The following BEND7 variants were observed in gnomAD, a reference collection of about 807,000 sequenced individuals.
The protein encoded by BEND7 is BEN domain containing 7, also known as BEN domain-containing protein 7.
In BEND7, 28 loss-of-function variants were observed where a neutral mutation model predicts 50.9. That is an observed-to-expected ratio of 0.55 (90% CI 0.41 to 0.75). BEND7 has a LOEUF of 0.75. Ranked by LOEUF, BEND7 falls within the 30% of genes least tolerant of loss-of-function variation. BEND7 has a pLI of 0.00. For missense variants in BEND7, 477 were observed against 491.3 expected (o/e 0.97, Z 0.28); for synonymous variants, 170 against 183.9 (o/e 0.92, Z 0.61).
At chr10:13,464,371 G>T (rs183273870) in intron 6 of BEND7, among the ~76,000 whole-genome samples, 1 of 152,188 alleles carries the variant, frequency 6.6e-6, no homozygotes, top group South Asian at 2.1e-4. Flanking sequence ...TCTTTAAAAA[G>T]ATGAAAAAGG....
chr10:13,506,138 G>A (rs948011102), intron 2 of BEND7, among the ~76,000 whole-genome samples: 1 of 151,744 alleles, frequency 6.6e-6, no homozygotes, highest in East Asian at 1.9e-4. Flanking sequence ...TGGTTTTCCC[G>A]GCCCACTGAC....
intron 2 of BEND7, among the ~76,000 whole-genome samples, chr10:13,501,390 A>G (rs1186320703): frequency 4.0e-5 from 6 of 151,618 alleles, no homozygotes; most frequent in East Asian, 1.9e-4. Context: ...AAAAAAAAAA[A>G]AAAAAGAAAA....
chr10:13,528,184 C>G (rs922213776), intron 1 of BEND7, among the ~76,000 whole-genome samples: 10 of 152,260 alleles, frequency 6.6e-5, no homozygotes, highest in African/African-American at 2.4e-4. Flanking sequence ...CCCAGCCCTG[C>G]CCCGGAGGCG....
chr10:13,453,257 C>T (rs1333453255), intron 6 of BEND7, among the ~76,000 whole-genome samples: 1 of 152,114 alleles, frequency 6.6e-6, no homozygotes. Flanking sequence ...ACAAGGCAGG[C>T]GGGACAATGA....
intron 2 of BEND7, among the ~76,000 whole-genome samples, chr10:13,515,234 C>T (rs2078580864): frequency 6.6e-6 from 1 of 152,172 alleles, no homozygotes; most frequent in Admixed American, 6.5e-5. Flanking sequence ...ACACCTCAGC[C>T]AAACAAATGC....
chr10:13,464,621 G>A (rs534636008), intron 6 of BEND7, among the ~76,000 whole-genome samples: 5 of 152,242 alleles, frequency 3.3e-5, no homozygotes, highest in African/African-American at 1.2e-4. Flanking sequence ...AATAATAGCT[G>A]TTTTAAATCT....
At chr10:13,458,702 A>C (rs1839562556) in intron 6 of BEND7, among the ~76,000 whole-genome samples, 1 of 152,232 alleles carries the variant, frequency 6.6e-6, no homozygotes, top group Admixed American at 6.5e-5. Context: ...GCAAAGGGAC[A>C]AGGGACAATA....
chr10:13,488,574 G>A (rs371874831), intron 5 of BEND7, among the ~76,000 whole-genome samples: 1 of 152,000 alleles, frequency 6.6e-6, no homozygotes, highest in East Asian at 1.9e-4. Context: ...TGCAATCTTC[G>A]ACTCCCGGGT....
chr10:13,455,147 G>A (rs951540756), intron 6 of BEND7, among the ~76,000 whole-genome samples: 1 of 152,164 alleles, frequency 6.6e-6, no homozygotes, highest in Admixed American at 6.5e-5. Flanking sequence ...ACTCCAGCCT[G>A]GGTGACAGAG....
chr10:13,526,169 C>A lies in BEND7; in HGVS notation c.114G>T (p.Gly38=), dbSNP rs749360183. The change falls in exon 2 of 9, where the codon GGG becomes GGT. Residue 38 remains glycine, a synonymous_variant. Transcript: ENST00000466271. Reference sequence around the variant, plus strand: ...AAATGGGCTGTGTCTCTTTGGCCTCCCCATTAACATCGTTGCTGAATTCTG... The same window carrying A: ...AAATGGGCTGTGTCTCTTTGGCCTCACCATTAACATCGTTGCTGAATTCTG... ...KIPEFSNDVN[G]EAKETQPIFL... 7.8e-7 allele frequency: 1 copy of A among 1,289,350 alleles called. No individual in the cohort carries two copies. The highest frequency in any genetic ancestry group is 1.5e-5 in the African/African-American group (1 of 65,834). 79.9% of individuals were successfully genotyped at this position (1,289,350 alleles called of 1,614,324 possible).
chr10:13,468,359 C>A (rs2074462920), intron 6 of BEND7, among the ~76,000 whole-genome samples: 1 of 152,074 alleles, frequency 6.6e-6, no homozygotes, highest in Non-Finnish European at 1.5e-5. Flanking sequence ...GCACCACGGC[C>A]CTGTGGAGAA....
Position 13,447,279 on chromosome 10 carries a change from A to G in BEND7, c.1221T>C (p.Ala407=), listed in dbSNP as rs146499991. 6.4e-5 allele frequency: 104 copies of G among 1,614,160 alleles called. No individual in the cohort carries two copies. The East Asian group carries it at 2.2e-3, about 34-fold the overall frequency. The part of the protein sequence containing the change: ...ADSDERLDGI[A]LPPTVV ...CGTTTTATTTACCTGTTGGTGGTAG[A>G]GCAATGCCGTCCAGTCTTTCATCAC... The change falls in exon 8 of 9, where the codon GCT becomes GCC. Residue 407 remains alanine, a synonymous_variant. Transcript: ENST00000466271.
At chr10:13,505,245 C>T (rs558810604) in intron 2 of BEND7, among the ~76,000 whole-genome samples, 92 of 152,332 alleles carry the variant, frequency 6.0e-4, no homozygotes, top group African/African-American at 2.1e-3. Flanking sequence ...ACAACTGCTG[C>T]CTGGTGACCA....
At position 13,528,590 on chromosome 10, in the gene BEND7, A is replaced by G. The variant is rs187129301; in HGVS notation, c.-57T>C. ...AGGCGGCGGCAGCGGCGGCAGCGGCAGCGGCGGCAGCGGCAGCGGCGGCGC... is the reference window on the plus strand; with the variant it reads ...AGGCGGCGGCAGCGGCGGCAGCGGCGGCGGCGGCAGCGGCAGCGGCGGCGC... On this transcript the variant is annotated 5_prime_UTR_variant, in exon 1 of 9. Coordinates refer to ENST00000466271, the MANE Select transcript of BEND7 (RefSeq NM_001369863.1). The G allele has an allele frequency of 1.3e-5, 11 of 816,916 alleles. No individual in the cohort carries two copies. Among genetic ancestry groups the G allele is most frequent in the African/African-American group, 4.4e-5 (2 of 45,524 alleles). The allele number at this position is 816,916 out of a possible 1,614,324, so 50.6% of individuals were successfully genotyped here.
chr10:13,459,524 A>G (rs1231134674), intron 6 of BEND7: 1 of 152,246 alleles, frequency 6.6e-6, no homozygotes, highest in Non-Finnish European at 1.5e-5. Flanking sequence ...GTAAAACACT[A>G]CGAGAGGGTG....
At chr10:13,443,603 A>C (rs1835688389) in intron 8 of BEND7, 1 of 152,256 alleles carries the variant, frequency 6.6e-6, no homozygotes, top group Admixed American at 6.5e-5. Context: ...GAAATTGGAA[A>C]TTTGTAATGA....
At chr10:13,479,888 T>A (rs1564321928) in intron 6 of BEND7, among the ~76,000 whole-genome samples, 1 of 152,334 alleles carries the variant, frequency 6.6e-6, no homozygotes, top group East Asian at 1.9e-4. Flanking sequence ...AAGTTAATTG[T>A]GGACTTTCAA....
At chr10:13,450,447 A>G (rs752025869) in intron 7 of BEND7, among the ~76,000 whole-genome samples, 2 of 152,134 alleles carry the variant, frequency 1.3e-5, no homozygotes, top group African/African-American at 4.8e-5. Flanking sequence ...TCTAGTTTCA[A>G]TTTGCTGGGG....
At position 13,522,952 on chromosome 10, in the gene BEND7, G is replaced by A. The variant is rs2079179846; in HGVS notation, c.145+3186C>T. ...GTCTTTCATGTAAAGTGCTCAGTGT[G>A]CTGCCTTGCACACAGTTAAGTGCTC... On this transcript the variant is annotated intron_variant, in intron 2 of 8. Coordinates refer to ENST00000466271, the MANE Select transcript of BEND7 (RefSeq NM_001369863.1). Among the ~76,000 whole-genome samples the A allele has an allele frequency of 2.0e-5, 3 of 152,146 alleles. No individual in the cohort carries two copies. The South Asian group carries it at 6.2e-4, about 32-fold the overall frequency.
Sources: allele counts gnomAD v4.1 joint callset (sites outside exome capture counted in the v4.1 genomes callset), GRCh38; gene constraint gnomAD v4.1.1; transcripts MANE v1.5; gene names NCBI Gene and HGNC (gene_info 2026-07-23, HGNC 2026-07-21).